Variants in CACNA1D observed in about 807,000 individuals in gnomAD.
The protein encoded by CACNA1D is calcium voltage-gated channel subunit alpha1 D.
A neutral mutation model predicts 257.1 loss-of-function variants in CACNA1D; 55 were observed. The ratio of observed to expected loss-of-function variants is 0.21; its 90% CI spans 0.17 to 0.27. The LOEUF (loss-of-function observed/expected upper bound fraction) is 0.27, where lower values mean the gene tolerates loss of function less well. CACNA1D is among the 10% of genes least tolerant of loss of function. The pLI is 1.00. For synonymous variants in CACNA1D, 980 were observed against 1,014.9 expected (o/e 0.97, Z 0.65); for missense variants, 1,876 against 2,784.0 (o/e 0.67, Z 7.34).
At chr3:53,565,347 C>T (rs952794572) in intron 3 of CACNA1D, among the ~76,000 whole-genome samples, 1 of 152,024 alleles carries the variant, frequency 6.6e-6, no homozygotes, top group African/African-American at 2.4e-5. Context: ...CACACACACA[C>T]GTACACACAT....
intron 3 of CACNA1D, among the ~76,000 whole-genome samples, chr3:53,606,559 T>A (rs1023097907): frequency 1.3e-5 from 2 of 152,216 alleles, no homozygotes; most frequent in Non-Finnish European, 2.9e-5. Flanking sequence ...GAGTCAAGGG[T>A]ACAGTGGCAG....
At position 53,753,557 on chromosome 3, in the gene CACNA1D, T is replaced by C; in HGVS notation, c.3676-15T>C. 6.5e-7 allele frequency: 1 copy of C among 1,527,882 alleles called. No homozygotes were observed. The highest frequency in any genetic ancestry group is 9.1e-7 in the Non-Finnish European group (1 of 1,101,152). The allele number at this position is 1,527,882 out of a possible 1,614,324, so 94.6% of individuals were successfully genotyped here. ...GCTGAGGCTCTGAGAACGGTCCCTC[T>C]GTCTTCATCCATAGCACTACGAGCA... On this transcript the variant is annotated splice_polypyrimidine_tract_variant and intron_variant, in intron 28 of 47. Transcript: ENST00000350061.
At chr3:53,654,342 G>A (rs1576245106) in intron 4 of CACNA1D, among the ~76,000 whole-genome samples, 1 of 152,136 alleles carries the variant, frequency 6.6e-6, no homozygotes, top group Admixed American at 6.5e-5. Flanking sequence ...ATTATTTAAA[G>A]CAAAAATAAT....
Position 53,810,134 on chromosome 3 carries a change from G to A in CACNA1D, c.6028G>A (p.Asp2010Asn). 6.2e-7 allele frequency: 1 copy of A among 1,613,976 alleles called. No individual in the cohort carries two copies. The highest frequency in any genetic ancestry group is 8.5e-7 in the Non-Finnish European group (1 of 1,180,032). The change falls in exon 47 of 48, where the codon GAC becomes AAC. Residue 2010 changes from aspartate (D) to asparagine (N), a missense_variant. This residue lies in a region of CACNA1D where 491 missense variants were observed against 554.3 expected (regional missense o/e 0.89). Transcript: ENST00000350061. ...CCAAGTGGAGCAGTCAGAGGCCCTGGACCAGGTGAACGGCAGCCTGCCGTC... is the reference window on the plus strand; with the variant it reads ...CCAAGTGGAGCAGTCAGAGGCCCTGAACCAGGTGAACGGCAGCCTGCCGTC... ...LIQVEQSEAL[D>N]QVNGSLPSLH...
At chr3:53,608,115 C>T (rs1410175872) in intron 3 of CACNA1D, among the ~76,000 whole-genome samples, 2 of 152,140 alleles carry the variant, frequency 1.3e-5, no homozygotes, top group Non-Finnish European at 2.9e-5. Flanking sequence ...AATATCAAGT[C>T]TTCTGTCCAT....
chr3:53,790,601 G>A (rs2095478258), intron 40 of CACNA1D, among the ~76,000 whole-genome samples: 1 of 152,242 alleles, frequency 6.6e-6, no homozygotes, highest in Non-Finnish European at 1.5e-5. Flanking sequence ...GAATTAGGTT[G>A]TTAGGTTGAA....
chr3:53,640,393 G>T (rs1379699524), intron 3 of CACNA1D, among the ~76,000 whole-genome samples: 2 of 152,206 alleles, frequency 1.3e-5, no homozygotes, highest in African/African-American at 4.8e-5. Flanking sequence ...ATTCTGGCCT[G>T]GGTGACAACT....
At chr3:53,674,430 G>C (rs1461533402) in intron 8 of CACNA1D, among the ~76,000 whole-genome samples, 1 of 152,242 alleles carries the variant, frequency 6.6e-6, no homozygotes, top group African/African-American at 2.4e-5. Context: ...TTAATGCAGA[G>C]TGATGATCGA....
At chr3:53,757,732 G>A (rs1401495) in intron 29 of CACNA1D, among the ~76,000 whole-genome samples, 77,109 of 151,906 alleles carry the variant, frequency 0.51, 20,191 homozygotes, top group East Asian at 0.86. Context: ...CCCATCCCCA[G>A]GTGTTGGCAT....
chr3:53,781,365 T>C (rs1398848961), intron 38 of CACNA1D, among the ~76,000 whole-genome samples: 1 of 152,164 alleles, frequency 6.6e-6, no homozygotes, highest in Admixed American at 6.5e-5. Flanking sequence ...GTGGAGGGAC[T>C]TCCCACTGGG....
intron 40 of CACNA1D, among the ~76,000 whole-genome samples, chr3:53,788,522 A>T (rs1332168588): frequency 6.6e-6 from 1 of 152,204 alleles, no homozygotes. Context: ...AACTGCAGAG[A>T]TATGTTTGCA....
chr3:53,624,722 G>T (rs937898363), intron 3 of CACNA1D, among the ~76,000 whole-genome samples: 1 of 152,238 alleles, frequency 6.6e-6, no homozygotes, highest in Non-Finnish European at 1.5e-5. Flanking sequence ...TTGAGCTGTG[G>T]CTGTGACAGA....
chr3:53,764,138 A>G (rs1015644350), intron 30 of CACNA1D, among the ~76,000 whole-genome samples: 6 of 152,222 alleles, frequency 3.9e-5, no homozygotes, highest in Non-Finnish European at 7.3e-5. Flanking sequence ...AAGCCCAGAC[A>G]TGTAAATTCT....
rs373777845 is a variant in CACNA1D, at chr3:53,598,510, A to G, written c.484-52269A>G. 1.4e-3 allele frequency among the ~76,000 whole-genome samples: 209 copies of G among 151,536 alleles called. 6 individuals are homozygous for G. The South Asian group carries it at 0.042, about 31-fold the overall frequency. ...TGAGGCAGGAGAATCGCTTGAACCCAGGAGGCAGAGGTCGTAGTGAACTGA... is the reference window on the plus strand; with the variant it reads ...TGAGGCAGGAGAATCGCTTGAACCCGGGAGGCAGAGGTCGTAGTGAACTGA... On this transcript the variant is annotated intron_variant, in intron 3 of 47. Coordinates refer to ENST00000350061, the MANE Select transcript of CACNA1D (RefSeq NM_001128840.3).
intron 3 of CACNA1D, among the ~76,000 whole-genome samples, chr3:53,535,482 G>T (rs1436087397): frequency 6.6e-6 from 1 of 152,176 alleles, no homozygotes; most frequent in African/African-American, 2.4e-5. Flanking sequence ...CCTGACCTGG[G>T]GGGTGAATAT....
intron 29 of CACNA1D, among the ~76,000 whole-genome samples, chr3:53,756,887 T>C (rs1342095765): frequency 6.6e-6 from 1 of 152,240 alleles, no homozygotes; most frequent in Non-Finnish European, 1.5e-5. Context: ...TGTTGTTTGC[T>C]GCGGTTACTG....
chr3:53,721,642 C>T (rs1030020972), intron 11 of CACNA1D, among the ~76,000 whole-genome samples: 2 of 152,094 alleles, frequency 1.3e-5, no homozygotes, highest in Non-Finnish European at 2.9e-5. Context: ...TATGAAAACA[C>T]GATTCAATAT....
At chr3:53,792,120 T>G (rs1287413974) in intron 40 of CACNA1D, 1 of 152,220 alleles carries the variant, frequency 6.6e-6, no homozygotes, top group Non-Finnish European at 1.5e-5. Flanking sequence ...TTTGATCTCT[T>G]TTCTGTTCTG....
chr3:53,733,023 T>C (rs1218691377), intron 19 of CACNA1D, 61 bp downstream of exon 19: 1 of 1,572,850 alleles, frequency 6.4e-7, no homozygotes, highest in South Asian at 1.1e-5. Context: ...ACAGGTTGCT[T>C]GAGGGTGGCT....
Sources: gnomAD v4.1 joint callset for allele counts (sites outside exome capture counted in the v4.1 genomes callset) on GRCh38, gnomAD v4.1.1 for gene constraint, gnomAD v4.1.1 regional missense constraint, MANE v1.5 for transcripts, NCBI Gene and HGNC (gene_info 2026-07-23, HGNC 2026-07-21) for gene names.